Variants in FGF12 observed in about 807,000 individuals in gnomAD.
FGF12 encodes the protein fibroblast growth factor 12B.
In FGF12, 14 loss-of-function variants were observed where a neutral mutation model predicts 23.6. That is an observed-to-expected ratio of 0.59 (90% CI 0.39 to 0.93). FGF12 has a LOEUF of 0.93. Among genes scored for constraint, FGF12 ranks in the 40% least tolerant of loss-of-function variants. The pLI is 0.00. For synonymous variants in FGF12, 62 were observed against 77.3 expected, an observed-to-expected ratio of 0.80 and a Z score of 1.04; for missense variants, 175 against 217.8, an observed-to-expected ratio of 0.80 and a Z score of 1.24.
chr3:192,674,897 G>A (rs1352912652), intron 2 of FGF12, among the ~76,000 whole-genome samples: 1 of 152,164 alleles, frequency 6.6e-6, no homozygotes, highest in Non-Finnish European at 1.5e-5. Flanking sequence ...GTGTAGAGAA[G>A]GATAGGTTTT....
intron 4 of FGF12, among the ~76,000 whole-genome samples, chr3:192,321,518 A>C (rs1021719240): frequency 1.3e-5 from 2 of 151,532 alleles, no homozygotes; most frequent in African/African-American, 2.4e-5. Context: ...AAAACCACAC[A>C]AAAAAACTAT....
At position 192,448,145 on chromosome 3, in the gene FGF12, C is replaced by T. The variant is rs575876854; in HGVS notation, c.14-87607G>A. On this transcript the variant is annotated intron_variant, in intron 2 of 5. Coordinates refer to ENST00000445105, the MANE Select transcript of FGF12 (RefSeq NM_004113.6). ...TATGTACTACACTCCATCCAAGCCA[C>T]GGAAGGACACTTGGGTTATTTCTAC... Among the ~76,000 whole-genome samples, 9 of 152,310 alleles carry T rather than the reference C, an allele frequency of 5.9e-5. No homozygotes were observed. The South Asian group carries it at 6.2e-4, about 11-fold the overall frequency.
At chr3:192,255,328 A>C in intron 4 of FGF12, among the ~76,000 whole-genome samples, 1 of 152,032 alleles carries the variant, frequency 6.6e-6, no homozygotes, top group Non-Finnish European at 1.5e-5. Context: ...GTTCTAACAA[A>C]AGCCAATGAA....
intron 2 of FGF12, among the ~76,000 whole-genome samples, chr3:192,724,183 T>G (rs1719137719): frequency 6.6e-6 from 1 of 152,034 alleles, no homozygotes; most frequent in Non-Finnish European, 1.5e-5. Flanking sequence ...TCTCAAACAT[T>G]AATGTGCATA....
intron 2 of FGF12, among the ~76,000 whole-genome samples, chr3:192,524,393 T>C (rs996098601): frequency 4.6e-5 from 7 of 152,232 alleles, no homozygotes; most frequent in African/African-American, 1.7e-4. Flanking sequence ...TTTCTATTAG[T>C]GTTAACTTTC....
At chr3:192,429,680 G>T (rs1032189002) in intron 2 of FGF12, among the ~76,000 whole-genome samples, 5 of 152,134 alleles carry the variant, frequency 3.3e-5, no homozygotes, top group African/African-American at 9.7e-5. Context: ...CACAATGTAT[G>T]TTACTTTTTG....
chr3:192,650,885 G>A lies in FGF12; in HGVS notation c.13+76296C>T, dbSNP rs529809102. Among the ~76,000 whole-genome samples, 195 of 152,186 alleles carry A rather than the reference G, an allele frequency of 1.3e-3. No homozygotes were observed. The Middle Eastern group carries it at 0.014, about 11-fold the overall frequency. ...CTTGAATTTTTTACTTGAAAAATAT[G>A]AATAACATGAATATAAAAAGTAAAT... On this transcript the variant is annotated intron_variant, in intron 2 of 5. Transcript: ENST00000445105.
chr3:192,586,014 T>G lies in FGF12; in HGVS notation c.13+141167A>C, dbSNP rs1389027930. Among the ~76,000 whole-genome samples the G allele has an allele frequency of 2.0e-5, 3 of 151,372 alleles. No homozygotes were observed. The East Asian group carries it at 5.8e-4, about 29-fold the overall frequency. On this transcript the variant is annotated intron_variant, in intron 2 of 5. Coordinates refer to ENST00000445105, the MANE Select transcript of FGF12 (RefSeq NM_004113.6). ...AAGAAAATAACTTGACACTGGAAAG[T>G]GGGGAATAGTCCATAAAAGAAAAAA...
At position 192,142,015 on chromosome 3, in the gene FGF12, A is replaced by G. The variant is rs1560164067; in HGVS notation, c.*1994T>C. On this transcript the variant is annotated 3_prime_UTR_variant, in exon 6 of 6. Coordinates refer to ENST00000445105, the MANE Select transcript of FGF12 (RefSeq NM_004113.6). ...CAAGAAGAAATACAGCTAGAGTTAT[A>G]TTTTTGCCCCAGGGGTATTCTTTTC... The G allele has an allele frequency of 6.6e-6, 1 of 152,112 alleles. No individual in the cohort carries two copies. 9.4% of individuals were successfully genotyped at this position (152,112 alleles called of 1,614,324 possible).
chr3:192,230,767 G>A (rs1350197484), intron 4 of FGF12, among the ~76,000 whole-genome samples: 1 of 151,926 alleles, frequency 6.6e-6, no homozygotes, highest in Non-Finnish European at 1.5e-5. Flanking sequence ...CAGTCTCCAT[G>A]TATAATTTTA....
chr3:192,539,539 T>C (rs546224871), intron 2 of FGF12, among the ~76,000 whole-genome samples: 2 of 152,318 alleles, frequency 1.3e-5, no homozygotes, highest in South Asian at 4.1e-4. Context: ...TGAATCCAAT[T>C]CAGTTTGCTA....
At chr3:192,357,696 G>A (rs79996508) in intron 3 of FGF12, among the ~76,000 whole-genome samples, 6,025 of 152,210 alleles carry the variant, frequency 0.04, 161 homozygotes, top group East Asian at 0.07. Flanking sequence ...AGGTTCTAAT[G>A]ATGCATGAGG....
intron 2 of FGF12, among the ~76,000 whole-genome samples, chr3:192,451,491 C>T (rs182871961): frequency 2.2e-4 from 34 of 152,252 alleles, no homozygotes; most frequent in Admixed American, 1.5e-3. Flanking sequence ...TATTTGATGT[C>T]ATTATGACTA....
chr3:192,586,034 A>T (rs953070928), intron 2 of FGF12, among the ~76,000 whole-genome samples: 3 of 119,788 alleles, frequency 2.5e-5, no homozygotes, highest in African/African-American at 8.7e-5. Flanking sequence ...TCCATAAAAG[A>T]AAAAAATCAT....
At chr3:192,547,972 G>A (rs562616299) in intron 2 of FGF12, among the ~76,000 whole-genome samples, 2 of 152,238 alleles carry the variant, frequency 1.3e-5, no homozygotes, top group South Asian at 4.1e-4. Context: ...GAATGTAGAT[G>A]ACTAGAACCA....
chr3:192,146,430 C>T (rs1713721637), intron 5 of FGF12, among the ~76,000 whole-genome samples: 1 of 152,062 alleles, frequency 6.6e-6, no homozygotes, highest in South Asian at 2.1e-4. Flanking sequence ...GCCACCACGC[C>T]TGGCTAATTT....
rs1721035525 is a variant in FGF12 at position 192,408,033 on chromosome 3, C to T, written c.14-47495G>A. The stretch of plus-strand genomic sequence containing the variant: ...TCCGGGCTTCTACTGACCTGGTCTC[C>T]GCCTCACCGGCCTCTTGCGGCCGCT... On this transcript the variant is annotated intron_variant, in intron 2 of 5. Coordinates refer to ENST00000445105, the MANE Select transcript of FGF12 (RefSeq NM_004113.6). This position sits in a 1 kb window ranked among gnomAD's most constrained non-coding sequence, Gnocchi z 7.3. The T allele has an allele frequency of 1.9e-6, 3 of 1,610,428 alleles. No homozygotes were observed. Among genetic ancestry groups the T allele is most frequent in the Non-Finnish European group, 2.5e-6 (3 of 1,178,974 alleles).
chr3:192,325,861 T>C (rs1234900408), intron 4 of FGF12, among the ~76,000 whole-genome samples: 1 of 152,106 alleles, frequency 6.6e-6, no homozygotes, highest in Non-Finnish European at 1.5e-5. Flanking sequence ...TCAGCCTCAA[T>C]AGGGAAGCAT....
At chr3:192,461,466 T>C (rs1722859020) in intron 2 of FGF12, among the ~76,000 whole-genome samples, 1 of 152,340 alleles carries the variant, frequency 6.6e-6, no homozygotes, top group East Asian at 1.9e-4. Context: ...GGATTAATAG[T>C]GACTGGAATT....
Sources: allele counts gnomAD v4.1 joint callset (sites outside exome capture counted in the v4.1 genomes callset), GRCh38; gene constraint gnomAD v4.1.1; non-coding constraint Gnocchi (gnomAD v3.1); transcripts MANE v1.5; gene names NCBI Gene and HGNC (gene_info 2026-07-23, HGNC 2026-07-21).